The following CCT4 variants were observed in gnomAD, a reference collection of about 807,000 sequenced individuals.
CCT4 encodes the protein chaperonin containing TCP1 subunit 4.
In CCT4, 17 loss-of-function variants were observed where a neutral mutation model predicts 62.5. That is an observed-to-expected ratio of 0.27 (90% CI 0.19 to 0.41). The LOEUF (loss-of-function observed/expected upper bound fraction) is 0.41. Among genes scored for constraint, CCT4 ranks in the 10% least tolerant of loss-of-function variants. The pLI, the probability that CCT4 is intolerant of heterozygous loss-of-function variation, is 1.00. For synonymous variants in CCT4, 250 were observed against 229.9 expected, an observed-to-expected ratio of 1.09 and a Z score of -0.79; for missense variants, 592 against 659.2, an observed-to-expected ratio of 0.90 and a Z score of 1.12.
chr2:61,868,731 C>A, intron 13 of CCT4, 25 bp from the exon 14 acceptor site: 1 of 1,539,400 alleles, frequency 6.5e-7, no homozygotes, highest in South Asian at 1.1e-5. Flanking sequence ...ACTTAGATTT[C>A]AAAACCTGTA....
chr2:61,868,588 G>C lies in CCT4; in HGVS notation c.*104C>G. 2 of 864,302 alleles carry C rather than the reference G, an allele frequency of 2.3e-6. No homozygotes were observed. The highest frequency in any genetic ancestry group is 1.7e-5 in the African/African-American group (1 of 60,256). 53.5% of individuals were successfully genotyped at this position (864,302 alleles called of 1,614,324 possible). On this transcript the variant is annotated 3_prime_UTR_variant, in exon 14 of 14. Coordinates refer to ENST00000394440, the MANE Select transcript of CCT4 (RefSeq NM_006430.4). ...AATGCCAACTGGAAGACCAAGCCCA[G>C]AAATTCAGAGGAAATAATCTTCCAA... is the stretch of plus-strand genomic sequence containing the variant.
At chr2:61,872,914 G>A (rs1443297943) in intron 10 of CCT4, 88 bp downstream of exon 10, 3 of 807,420 alleles carry the variant, frequency 3.7e-6, no homozygotes, top group Non-Finnish European at 6.4e-6. Context: ...GCGACAGAGT[G>A]AGACTCCGTC....
intron 8 of CCT4, among the ~76,000 whole-genome samples, chr2:61,875,000 G>A (rs1361206540): frequency 1.3e-5 from 2 of 152,172 alleles, no homozygotes; most frequent in Middle Eastern, 3.4e-3. Context: ...AAATTAGCTG[G>A]GTGTGGTGGC....
chr2:61,876,352 A>C (rs1324294466), intron 7 of CCT4, 118 bp from the exon 8 acceptor site: 1 of 667,874 alleles, frequency 1.5e-6, no homozygotes, highest in East Asian at 2.8e-5. Flanking sequence ...TCAAGTAATA[A>C]ATTATATAGA....
chr2:61,869,178 A>T (rs190361858), intron 13 of CCT4, among the ~76,000 whole-genome samples: 4 of 150,676 alleles, frequency 2.7e-5, no homozygotes, highest in African/African-American at 9.8e-5. Flanking sequence ...AAAAACTTTT[A>T]AAAAAACAAT....
intron 10 of CCT4, 44 bp from the exon 11 acceptor site, chr2:61,872,632 A>G (rs548084276): frequency 6.8e-6 from 11 of 1,608,918 alleles, no homozygotes; most frequent in South Asian, 3.3e-5. Context: ...AGGGTCAAAA[A>G]AACCCCACAC....
At position 61,872,273 on chromosome 2, in the gene CCT4, G is replaced by A; in HGVS notation, c.1300C>T (p.Leu434=). The A allele has an allele frequency of 6.2e-7, 1 of 1,610,794 alleles. No individual in the cohort carries two copies. The highest frequency in any genetic ancestry group is 8.5e-7 in the Non-Finnish European group (1 of 1,177,816). ...GTTCGTGAATATTCAGTTAATCGTA[G>A]GGCCAACTCTATTTCTGGAGCACCA... ...GGGAPEIELA[L]RLTEYSRTLS... is the part of the protein sequence containing the mutation. Residue 434 remains leucine (L), a synonymous_variant, in exon 12 of 14, where the codon CTA becomes TTA. Transcript: ENST00000394440.
rs972956878 is a variant in CCT4 at position 61,883,565 on chromosome 2, A to G, written c.181-17T>C. The G allele has an allele frequency of 5.3e-6, 7 of 1,314,240 alleles. No individual in the cohort carries two copies. Among genetic ancestry groups the G allele is most frequent in the African/African-American group, 2.9e-5 (2 of 68,664 alleles). The allele number at this position is 1,314,240 out of a possible 1,614,324, so 81.4% of individuals were successfully genotyped here. On this transcript the variant is annotated splice_polypyrimidine_tract_variant and intron_variant, in intron 2 of 13. Coordinates refer to ENST00000394440, the MANE Select transcript of CCT4 (RefSeq NM_006430.4). ...ATCTTGAATCTAGAAAAAAAATTTT[A>G]AAGTTATATTTCAATGTCACACCTT...
At chr2:61,875,832 A>T (rs1406464796) in intron 8 of CCT4, among the ~76,000 whole-genome samples, 1 of 152,168 alleles carries the variant, frequency 6.6e-6, no homozygotes. Context: ...ATATTTGTTT[A>T]AAATGCTTTT....
chr2:61,868,737 C>T (rs1325181702), intron 13 of CCT4, 31 bp from the exon 14 acceptor site: 1 of 1,513,504 alleles, frequency 6.6e-7, no homozygotes, highest in East Asian at 2.3e-5. Flanking sequence ...ATTTCAAAAC[C>T]TGTAATGACA....
chr2:61,888,487 G>C lies in CCT4; in HGVS notation c.21C>G (p.Pro7=), dbSNP rs1669315272. 3.1e-6 allele frequency: 5 copies of C among 1,612,138 alleles called. No homozygotes were observed. The highest frequency in any genetic ancestry group is 4.2e-6 in the Non-Finnish European group (5 of 1,179,334). Residue 7 remains proline, a synonymous_variant, in exon 1 of 14, where the codon CCC becomes CCG. Coordinates refer to ENST00000394440, the MANE Select transcript of CCT4 (RefSeq NM_006430.4). ...CAGCCCCGGCAGTCGCCCCGCTCCGGGGTGCCACATTCTCGGGCATGGCAA... is the reference window on the plus strand; with the variant it reads ...CAGCCCCGGCAGTCGCCCCGCTCCGCGGTGCCACATTCTCGGGCATGGCAA... The part of the protein sequence containing the change: MPENVA[P]RSGATAGAAG...
At chr2:61,875,993 T>TC (rs1471006459) in intron 8 of CCT4, 102 bp downstream of exon 8, 2 of 682,876 alleles carry the variant, frequency 2.9e-6, no homozygotes, top group African/African-American at 3.6e-5. Context: ...AAATACGAAC[T>TC]TAGAGTAAGT....
chr2:61,877,878 G>A (rs929310441), intron 5 of CCT4, among the ~76,000 whole-genome samples: 1 of 152,132 alleles, frequency 6.6e-6, no homozygotes, highest in African/African-American at 2.4e-5. Flanking sequence ...CCTGATGAGG[G>A]GTTGATAAAA....
intron 12 of CCT4, among the ~76,000 whole-genome samples, chr2:61,871,135 G>T (rs530648839): frequency 1.3e-5 from 2 of 150,998 alleles, no homozygotes; most frequent in South Asian, 4.2e-4. Flanking sequence ...CAGTTCAAGC[G>T]ATTCTCCTCC....
intron 6 of CCT4, 74 bp downstream of exon 6, chr2:61,877,319 G>A: frequency 1.5e-6 from 2 of 1,372,332 alleles, no homozygotes; most frequent in South Asian, 1.3e-5. Context: ...TTTCATCTAG[G>A]TGTTTTTATT....
In CCT4 at chr2:61,876,254, C is replaced by T; in HGVS notation, c.778-20G>A. The T allele has an allele frequency of 6.5e-7, 1 of 1,543,056 alleles. No homozygotes were observed. Among genetic ancestry groups the T allele is most frequent in the East Asian group, 2.3e-5 (1 of 43,844 alleles). On this transcript the variant is annotated intron_variant, in intron 7 of 13. Transcript: ENST00000394440. ...ATCCATCTGTTCAGAAAAAGAACAT[C>T]ATAATTTGCATTGTAAGATATTTTA... is the stretch of plus-strand genomic sequence containing the variant.
At chr2:61,881,039 T>TA (rs946845353) in intron 3 of CCT4, among the ~76,000 whole-genome samples, 4 of 152,122 alleles carry the variant, frequency 2.6e-5, no homozygotes, top group African/African-American at 9.7e-5. Flanking sequence ...AGTATCAACT[T>TA]AAGAGTCTTT....
intron 10 of CCT4, 90 bp downstream of exon 10, chr2:61,872,912 G>A (rs932626236): frequency 1.3e-6 from 1 of 798,814 alleles, no homozygotes; most frequent in South Asian, 1.5e-5. Context: ...GGGCGACAGA[G>A]TGAGACTCCG....
chr2:61,871,839 C>G (rs1430273875), intron 12 of CCT4, among the ~76,000 whole-genome samples: 1 of 152,172 alleles, frequency 6.6e-6, no homozygotes. Context: ...GAGGAACAGA[C>G]TAAGTAACTT....
Sources: gnomAD v4.1 joint callset for allele counts (sites outside exome capture counted in the v4.1 genomes callset) on GRCh38, gnomAD v4.1.1 for gene constraint, MANE v1.5 for transcripts, NCBI Gene and HGNC (gene_info 2026-07-23, HGNC 2026-07-21) for gene names.